The following HDAC9 variants were observed in gnomAD, a reference collection of about 807,000 sequenced individuals.
The protein encoded by HDAC9 is MEF-2 interacting transcription repressor (MITR) protein.
Under a neutral mutation model 139.4 loss-of-function variants are expected in HDAC9, and 41 were observed. The ratio of observed to expected loss-of-function variants is 0.29; its 90% CI spans 0.23 to 0.38. HDAC9 has a LOEUF of 0.38. HDAC9 is among the 10% of genes least tolerant of loss of function. HDAC9 has a pLI of 1.00. For missense variants in HDAC9, 1,147 were observed against 1,297.0 expected, an observed-to-expected ratio of 0.88 and a Z score of 1.78; for synonymous variants, 517 against 476.2, an observed-to-expected ratio of 1.09 and a Z score of -1.12.
intron 5 of HDAC9, 136 bp downstream of exon 5, chr7:18,591,778 G>T: frequency 8.3e-7 from 1 of 1,200,348 alleles, no homozygotes. Flanking sequence ...GTTCTCTAAG[G>T]ATCAGTTTCC....
chr7:18,798,126 G>A (rs1045204215), intron 17 of HDAC9, among the ~76,000 whole-genome samples: 3 of 152,076 alleles, frequency 2.0e-5, no homozygotes, highest in Middle Eastern at 3.4e-3. Flanking sequence ...CTTGAACATG[G>A]CTGCTCTTTC....
At chr7:18,608,163 G>A (rs1277233001) in intron 6 of HDAC9, among the ~76,000 whole-genome samples, 1 of 152,032 alleles carries the variant, frequency 6.6e-6, no homozygotes, top group Non-Finnish European at 1.5e-5. Flanking sequence ...ACCTAATGAA[G>A]TAAATTAAGA....
intron 16 of HDAC9, among the ~76,000 whole-genome samples, chr7:18,789,769 C>A (rs2588627): frequency 0.72 from 108,875 of 151,940 alleles, 40,631 homozygotes; most frequent in Non-Finnish European, 0.83. Context: ...TCTTCCCCTC[C>A]AGCTCCAAAA....
chr7:18,792,278 A>AG (rs1297238883), intron 16 of HDAC9, among the ~76,000 whole-genome samples: 2 of 151,348 alleles, frequency 1.3e-5, no homozygotes, highest in African/African-American at 4.8e-5. Context: ...AAAAAAAAAA[A>AG]AAAAAGCTTT....
intron 12 of HDAC9, among the ~76,000 whole-genome samples, chr7:18,676,992 T>G (rs1430627706): frequency 1.3e-5 from 2 of 151,942 alleles, no homozygotes; most frequent in Non-Finnish European, 2.9e-5. Flanking sequence ...CTTTTTGAAC[T>G]ATAATATCCA....
chr7:18,234,267 T>C (rs890426224), intron 2 of HDAC9, among the ~76,000 whole-genome samples: 3 of 152,106 alleles, frequency 2.0e-5, no homozygotes, highest in Non-Finnish European at 4.4e-5. Context: ...TTAGGTGTAG[T>C]TGGGGAACAT....
intron 2 of HDAC9, among the ~76,000 whole-genome samples, chr7:18,251,498 A>G (rs914383346): frequency 8.5e-5 from 13 of 152,212 alleles, no homozygotes; most frequent in African/African-American, 3.1e-4. Flanking sequence ...CATTGTGCAC[A>G]TGTACCCCTG....
At chr7:18,818,708 C>T (rs1794748612) in intron 17 of HDAC9, among the ~76,000 whole-genome samples, 1 of 152,146 alleles carries the variant, frequency 6.6e-6, no homozygotes, top group Admixed American at 6.5e-5. Context: ...GATTCTGGTA[C>T]ACGATGTGTT....
chr7:18,713,503 C>T (rs1281600302), intron 12 of HDAC9, among the ~76,000 whole-genome samples: 1 of 152,134 alleles, frequency 6.6e-6, no homozygotes, highest in Non-Finnish European at 1.5e-5. Context: ...TCATGTTTAA[C>T]ACCATGAATA....
At chr7:18,094,913 G>C (rs1782406148) in intron 1 of HDAC9, among the ~76,000 whole-genome samples, 1 of 152,138 alleles carries the variant, frequency 6.6e-6, no homozygotes, top group Admixed American at 6.5e-5. Context: ...GTCAAGATGA[G>C]AGAGAGAGAA....
chr7:18,828,525 T>C (rs17140086), intron 17 of HDAC9, among the ~76,000 whole-genome samples: 9,477 of 152,264 alleles, frequency 0.062, 903 homozygotes, highest in African/African-American at 0.2. Flanking sequence ...AATTCCAGAA[T>C]GCAGGCTAGA....
chr7:18,288,174 A>G (rs545076921), upstream of HDAC9, among the ~76,000 whole-genome samples: 1 of 152,356 alleles, frequency 6.6e-6, no homozygotes, highest in South Asian at 2.1e-4. Context: ...GTGCAGCTCC[A>G]TCAGTGCTCA....
At chr7:18,173,659 A>C (rs191343317) in intron 2 of HDAC9, among the ~76,000 whole-genome samples, 1 of 152,254 alleles carries the variant, frequency 6.6e-6, no homozygotes, top group Non-Finnish European at 1.5e-5. Flanking sequence ...TGGTGACAGA[A>C]TCTCTCAGCA....
intron 2 of HDAC9, among the ~76,000 whole-genome samples, chr7:18,196,324 A>G (rs1790723277): frequency 6.6e-6 from 1 of 152,178 alleles, no homozygotes; most frequent in South Asian, 2.1e-4. Context: ...TTATGTGCAC[A>G]TGAGGATTAG....
At chr7:18,872,976 T>C (rs1799045726) in intron 21 of HDAC9, among the ~76,000 whole-genome samples, 1 of 152,150 alleles carries the variant, frequency 6.6e-6, no homozygotes, top group Non-Finnish European at 1.5e-5. Context: ...ATTAATAAAA[T>C]TAAATTGAGT....
chr7:18,207,380 G>A (rs547885788), intron 2 of HDAC9, among the ~76,000 whole-genome samples: 39 of 151,912 alleles, frequency 2.6e-4, no homozygotes, highest in African/African-American at 8.9e-4. Flanking sequence ...TAGGATCCAT[G>A]CAATTTTGTT....
At chr7:18,288,163 A>T (rs754694047), upstream of HDAC9, among the ~76,000 whole-genome samples, 20 of 152,238 alleles carry the variant, frequency 1.3e-4, no homozygotes, top group Non-Finnish European at 2.8e-4. Flanking sequence ...TAACCAACAC[A>T]GTGCAGCTCC....
At chr7:18,751,161 C>A (rs1788413334) in intron 14 of HDAC9, among the ~76,000 whole-genome samples, 1 of 152,068 alleles carries the variant, frequency 6.6e-6, no homozygotes, top group Admixed American at 6.6e-5. Flanking sequence ...TATTTTCATT[C>A]TTTATTATTT....
chr7:18,665,305 T>C (rs1279830129), intron 11 of HDAC9, among the ~76,000 whole-genome samples: 2 of 152,130 alleles, frequency 1.3e-5, no homozygotes, highest in Admixed American at 1.3e-4. Context: ...GCAGATGATT[T>C]GGTCCACAGG....
Sources: gnomAD v4.1 joint callset for allele counts (sites outside exome capture counted in the v4.1 genomes callset) on GRCh38, gnomAD v4.1.1 for gene constraint, MANE v1.5 for transcripts, NCBI Gene and HGNC (gene_info 2026-07-23, HGNC 2026-07-21) for gene names.